FRMPD4: variants seen among roughly 807,000 people sequenced by gnomAD.
FRMPD4 encodes FERM and PDZ domain containing 4.
A neutral mutation model predicts 94.1 loss-of-function variants in FRMPD4; 22 were observed. That is an observed-to-expected ratio of 0.23 (90% CI 0.17 to 0.33). The LOEUF is 0.33. Among genes scored for constraint, FRMPD4 ranks in the 10% least tolerant of loss-of-function variants. The pLI is 1.00. For missense variants in FRMPD4, 1,111 were observed against 1,339.9 expected, an observed-to-expected ratio of 0.83 and a Z score of 2.67; for synonymous variants, 631 against 548.6, an observed-to-expected ratio of 1.15 and a Z score of -2.10.
At chrX:12,651,874 A>G (rs2059598646) in intron 4 of FRMPD4, among the ~76,000 whole-genome samples, 1 of 112,555 alleles carries the variant, frequency 8.9e-6, no homozygotes, top group Non-Finnish European at 1.9e-5. Flanking sequence ...CAGAATATGA[A>G]CTATTCTTTC....
intron 1 of FRMPD4, among the ~76,000 whole-genome samples, chrX:12,417,993 CAAAAAAAAAAA>C (rs757060426): frequency 2.9e-5 from 1 of 34,073 alleles, no homozygotes; most frequent in Non-Finnish European, 6.0e-5. Context: ...GACTCTGTCT[CAAAAAAAAAAA>C]AAAAAAAACA....
intron 1 of FRMPD4, among the ~76,000 whole-genome samples, chrX:12,464,593 C>A (rs2057429414): frequency 8.9e-6 from 1 of 111,783 alleles, no homozygotes; most frequent in Non-Finnish European, 1.9e-5. Context: ...TTCATAGCCA[C>A]TGACTAAGAG....
chrX:12,720,806 G>T lies in FRMPD4; in HGVS notation c.4237G>T (p.Asp1413Tyr). The T allele has an allele frequency of 1.0e-6, 1 of 981,317 alleles. No homozygotes were observed. 80.9% of individuals were successfully genotyped at this position (981,317 alleles called of 1,213,427 possible). The change falls in exon 17 of 17, where the codon GAT becomes TAT. Residue 1413 changes from aspartate (D) to tyrosine (Y), a missense_variant. Asp to Tyr is a radical substitution (Grantham distance 160). Transcript: ENST00000675598. ...CAGCAGTATCCTCTCCGGATCTGTC[G>T]ATTTGGAGACCTTCCGAGAGAGAAC... ...HSSSILSGSV[D>Y]LETFRERTKG...
chrX:11,978,384 T>G (rs1167713464), intron 3 of FRMPD4, among the ~76,000 whole-genome samples: 5 of 104,511 alleles, frequency 4.8e-5, no homozygotes, highest in Non-Finnish European at 9.8e-5. Flanking sequence ...ATTCAGATGG[T>G]TGGGGGGCCT....
intron 4 of FRMPD4, among the ~76,000 whole-genome samples, chrX:12,660,706 A>C (rs780037888): frequency 8.9e-6 from 1 of 112,397 alleles, no homozygotes; most frequent in African/African-American, 3.2e-5. Flanking sequence ...TAATGGCTTA[A>C]TGTAATAATT....
At chrX:11,833,860 GCTT>G (rs2053488065) in intron 1 of FRMPD4, among the ~76,000 whole-genome samples, 1 of 111,726 alleles carries the variant, frequency 9.0e-6, no homozygotes, top group African/African-American at 3.3e-5. Context: ...GAGCCTATGA[GCTT>G]CTTCTTTTTT....
intron 1 of FRMPD4, among the ~76,000 whole-genome samples, chrX:12,476,253 C>G (rs752734590): frequency 1.8e-5 from 2 of 111,873 alleles, no homozygotes; most frequent in African/African-American, 6.5e-5. Flanking sequence ...GGAAAACTGG[C>G]TGGCCATATG....
rs960500975 is a variant in FRMPD4, at chrX:12,671,541, C to T, written c.423-3322C>T. Among the ~76,000 whole-genome samples the T allele has an allele frequency of 3.4e-4, 38 of 110,178 alleles. No individual in the cohort carries two copies. The Admixed American group carries it at 3.7e-3, about 11-fold the overall frequency. ...ATAAGTGGGAGTTGAATAATGAGAA[C>T]ACATGGACACAGGGAGGGGAACATC... On this transcript the variant is annotated intron_variant, in intron 4 of 16. Transcript: ENST00000675598.
At chrX:12,599,242 A>G (rs970486501) in intron 2 of FRMPD4, among the ~76,000 whole-genome samples, 5 of 111,300 alleles carry the variant, frequency 4.5e-5, no homozygotes, top group African/African-American at 1.6e-4. Context: ...TTATTTTAAC[A>G]TGATTGATAA....
At chrX:11,864,727 T>A (rs1024804157) in intron 1 of FRMPD4, among the ~76,000 whole-genome samples, 1 of 111,759 alleles carries the variant, frequency 8.9e-6, no homozygotes, top group African/African-American at 3.3e-5. Context: ...TGAAAAAAAA[T>A]TTAATGGACA....
At position 12,721,713 on chromosome X, in the gene FRMPD4, A is replaced by C; in HGVS notation, c.5144A>C (p.Tyr1715Ser). ...VGKIDEVVINYICLLKAAEAA... is the reference protein window; with the variant it reads ...VGKIDEVVINSICLLKAAEAA... ...AAGATCGATGAAGTGGTCATAAATT[A>C]CATTTGTCTACTGAAAGCTGCCGAA... is the stretch of plus-strand genomic sequence containing the variant. The change falls in exon 17 of 17, where the codon TAC becomes TCC. Residue 1715 changes from tyrosine (Y) to serine (S), a missense_variant. Coordinates refer to ENST00000675598, the MANE Select transcript of FRMPD4 (RefSeq NM_001368397.1). 1.3e-6 allele frequency: 1 copy of C among 754,637 alleles called. No individual in the cohort carries two copies. The highest frequency in any genetic ancestry group is 1.6e-6 in the Non-Finnish European group (1 of 638,259). 62.2% of individuals were successfully genotyped at this position (754,637 alleles called of 1,213,427 possible).
Position 12,506,400 on chromosome X carries a change from C to T in FRMPD4, c.158+7604C>T, listed in dbSNP as rs754050031. On this transcript the variant is annotated intron_variant, in intron 2 of 16. Transcript: ENST00000675598. ...GCGTCCTGGGTTGAAGAGATTCTCC[C>T]ACCTCAGACTCCTGAGTAGCTGGGA... 1.7e-4 allele frequency among the ~76,000 whole-genome samples: 19 copies of T among 111,179 alleles called. No individual in the cohort carries two copies. The East Asian group carries it at 4.0e-3, about 23-fold the overall frequency.
chrX:12,432,730 A>T (rs772444029), intron 1 of FRMPD4, among the ~76,000 whole-genome samples: 15 of 112,103 alleles, frequency 1.3e-4, no homozygotes, highest in African/African-American at 4.2e-4. Flanking sequence ...ATAATCTTTC[A>T]ATCATAATCT....
At chrX:12,054,956 T>C (rs765829746) in intron 3 of FRMPD4, 6 of 111,903 alleles carry the variant, frequency 5.4e-5, no homozygotes, top group African/African-American at 1.9e-4. Context: ...AAAATTATTA[T>C]AGAAGTGTGA....
intron 1 of FRMPD4, among the ~76,000 whole-genome samples, chrX:12,313,097 A>G (rs1048899231): frequency 2.7e-5 from 3 of 111,868 alleles, no homozygotes; most frequent in African/African-American, 9.7e-5. Context: ...GGGACAAAAA[A>G]GTGACTGAGA....
Position 12,120,859 on chromosome X carries a change from C to A in FRMPD4, c.95+242841C>A, listed in dbSNP as rs182383134. ...ACCAAATAGTGAGAACTACTGAGAA[C>A]TGAGCAAGTACTTGGCACTGTGTCA... On this transcript the variant is annotated intron_variant, in intron 3 of 18. Transcript: ENST00000640291. Among the ~76,000 whole-genome samples the A allele has an allele frequency of 3.1e-3, 340 of 111,171 alleles. 1 individual carries two copies. Among genetic ancestry groups the A allele is most frequent in the African/African-American group, 0.011 (329 of 30,736 alleles).
At chrX:12,150,664 G>T (rs1480223558) in intron 1 of FRMPD4, among the ~76,000 whole-genome samples, 2 of 111,483 alleles carry the variant, frequency 1.8e-5, no homozygotes, top group African/African-American at 6.5e-5. Context: ...TACGATAAAA[G>T]CATCCTACTT....
intron 1 of FRMPD4, among the ~76,000 whole-genome samples, chrX:12,387,475 G>A (rs1011988645): frequency 1.8e-5 from 2 of 111,855 alleles, no homozygotes; most frequent in Admixed American, 9.5e-5. Context: ...TCACTCAGAG[G>A]CAGAAGAAAA....
At chrX:12,478,769 G>T (rs5935352) in intron 1 of FRMPD4, among the ~76,000 whole-genome samples, 5 of 112,245 alleles carry the variant, frequency 4.5e-5, no homozygotes, top group African/African-American at 1.6e-4. Context: ...AAGTGGTCTA[G>T]AAGTTTTCTC....
Sources: gnomAD v4.1 joint callset for allele counts (sites outside exome capture counted in the v4.1 genomes callset) on GRCh38, gnomAD v4.1.1 for gene constraint, MANE v1.5 for transcripts, NCBI Gene and HGNC (gene_info 2026-07-23, HGNC 2026-07-21) for gene names.